GRIP1: variants seen among roughly 807,000 people sequenced by gnomAD.
GRIP1 encodes glutamate receptor-interacting protein 1.
Under a neutral mutation model 129.9 loss-of-function variants are expected in GRIP1, and 45 were observed. The ratio of observed to expected loss-of-function variants is 0.35; its 90% CI spans 0.27 to 0.44. The LOEUF is 0.44. Ranked by LOEUF, GRIP1 falls within the 20% of genes least tolerant of loss-of-function variation. The pLI is 1.00. For synonymous variants in GRIP1, 530 were observed against 520.8 expected (o/e 1.02, Z -0.24); for missense variants, 1,196 against 1,396.8 (o/e 0.86, Z 2.29).
intron 22 of GRIP1, among the ~76,000 whole-genome samples, chr12:66,373,926 C>T (rs2055658208): frequency 6.6e-6 from 1 of 152,132 alleles, no homozygotes; most frequent in African/African-American, 2.4e-5. Context: ...GGGCATGGAG[C>T]TCTAGTACTC....
chr12:66,604,004 C>T (rs1364746766), intron 1 of GRIP1, among the ~76,000 whole-genome samples: 1 of 152,210 alleles, frequency 6.6e-6, no homozygotes, highest in Non-Finnish European at 1.5e-5. Context: ...TATATTCTGC[C>T]TCATGGCAGG....
chr12:66,659,035 T>C (rs1265033195), intron 1 of GRIP1, among the ~76,000 whole-genome samples: 2 of 152,228 alleles, frequency 1.3e-5, no homozygotes, highest in East Asian at 1.9e-4. Flanking sequence ...CTAGCAATAC[T>C]GTGCCCCGTG....
At chr12:66,682,793 CACA>C (rs1336548434), upstream of GRIP1, among the ~76,000 whole-genome samples, 2 of 152,094 alleles carry the variant, frequency 1.3e-5, no homozygotes, top group East Asian at 3.8e-4. Context: ...AGGTTAATCC[CACA>C]AATACTCAAC....
At chr12:66,947,236 C>A (rs1302337049) in intron 1 of GRIP1, among the ~76,000 whole-genome samples, 2 of 152,230 alleles carry the variant, frequency 1.3e-5, no homozygotes, top group African/African-American at 2.4e-5. Flanking sequence ...CCCCTTTCAG[C>A]CCACATATGG....
At chr12:66,380,551 A>G (rs58782949) in intron 19 of GRIP1, among the ~76,000 whole-genome samples, 2,383 of 152,368 alleles carry the variant, frequency 0.016, 65 homozygotes, top group African/African-American at 0.054. Context: ...ATTATGTTAC[A>G]TAATGGACAC....
chr12:66,741,268 A>C (rs779654812), intron 1 of GRIP1, among the ~76,000 whole-genome samples: 1 of 152,196 alleles, frequency 6.6e-6, no homozygotes, highest in Non-Finnish European at 1.5e-5. Context: ...CCTTTATTTC[A>C]AAGGGATTGT....
intron 1 of GRIP1, among the ~76,000 whole-genome samples, chr12:67,014,140 C>G (rs1193116931): frequency 6.6e-6 from 1 of 152,150 alleles, no homozygotes; most frequent in Admixed American, 6.6e-5. Flanking sequence ...CCCAGTCAGC[C>G]TCTAAACTTT....
rs561974566 is a variant in GRIP1, at chr12:66,473,974, G to A, written c.725-8552C>T. On this transcript the variant is annotated intron_variant, in intron 7 of 24. Coordinates refer to ENST00000359742, the MANE Select transcript of GRIP1 (RefSeq NM_001366722.1). ...CAGCAAGGGAACAAAACTGTACAGAGAATGAGTTTGATGAACTGACAGAAG... is the reference window on the plus strand; with the variant it reads ...CAGCAAGGGAACAAAACTGTACAGAAAATGAGTTTGATGAACTGACAGAAG... Among the ~76,000 whole-genome samples the A allele has an allele frequency of 5.3e-5, 8 of 152,230 alleles. No homozygotes were observed. In the South Asian group the frequency reaches 1.2e-3, roughly 24 times the overall value.
intron 1 of GRIP1, among the ~76,000 whole-genome samples, chr12:66,946,234 T>C (rs1163283090): frequency 6.6e-6 from 1 of 152,174 alleles, no homozygotes; most frequent in Non-Finnish European, 1.5e-5. Context: ...TGCAAGAAAA[T>C]TCTAAATTAT....
At chr12:66,475,143 G>A (rs1190081997) in intron 7 of GRIP1, among the ~76,000 whole-genome samples, 1 of 152,038 alleles carries the variant, frequency 6.6e-6, no homozygotes, top group African/African-American at 2.4e-5. Flanking sequence ...GATCTACCAA[G>A]CAAATGGAAA....
intron 1 of GRIP1, among the ~76,000 whole-genome samples, chr12:66,862,963 T>A (rs1426329568): frequency 6.6e-6 from 1 of 151,952 alleles, no homozygotes; most frequent in Non-Finnish European, 1.5e-5. Flanking sequence ...AATGTTGTAC[T>A]ATTATTGAAA....
At chr12:66,414,066 A>G (rs2057496350) in intron 15 of GRIP1, among the ~76,000 whole-genome samples, 1 of 152,164 alleles carries the variant, frequency 6.6e-6, no homozygotes, top group African/African-American at 2.4e-5. Flanking sequence ...CATCACTCCT[A>G]TTTAACATAG....
At chr12:66,578,265 T>C (rs2063218314) in intron 2 of GRIP1, among the ~76,000 whole-genome samples, 2 of 87,248 alleles carry the variant, frequency 2.3e-5, no homozygotes, top group African/African-American at 4.4e-5. Context: ...AATACAAAAT[T>C]GAGGGGAGGA....
rs188119580 is a variant in GRIP1, at chr12:67,059,691, T to G, written c.58+9359A>C. The stretch of plus-strand genomic sequence containing the variant: ...TTATGGGAAACAAATTATGTTTCAC[T>G]TGTATATCTTAAAAGTAGTGTGTAA... On this transcript the variant is annotated intron_variant, in intron 1 of 1. Transcript: ENST00000643019. 6.2e-3 allele frequency among the ~76,000 whole-genome samples: 941 copies of G among 152,338 alleles called. 10 individuals are homozygous for G. The highest frequency in any genetic ancestry group is 0.021 in the African/African-American group (853 of 41,576).
At chr12:66,703,237 T>C (rs2035411866) in intron 1 of GRIP1, among the ~76,000 whole-genome samples, 2 of 152,180 alleles carry the variant, frequency 1.3e-5, no homozygotes, top group African/African-American at 4.8e-5. Flanking sequence ...TGTATGTCTG[T>C]GTGTGCATGC....
At chr12:66,538,971 A>T in intron 4 of GRIP1, 107 bp downstream of exon 4, 1 of 915,244 alleles carries the variant, frequency 1.1e-6, no homozygotes, top group Non-Finnish European at 1.8e-6. Flanking sequence ...ATGTATGTAT[A>T]GAAAAAAACC....
At chr12:67,004,084 C>T (rs1205517228) in intron 1 of GRIP1, among the ~76,000 whole-genome samples, 1 of 152,184 alleles carries the variant, frequency 6.6e-6, no homozygotes, top group Non-Finnish European at 1.5e-5. Flanking sequence ...CATTTAGGGG[C>T]TTACCTGGTA....
At chr12:66,541,128 T>C (rs79374366) in intron 3 of GRIP1, among the ~76,000 whole-genome samples, 2,822 of 152,288 alleles carry the variant, frequency 0.019, 83 homozygotes, top group African/African-American at 0.065. Context: ...TCATTTTTAA[T>C]GAAACCTGAT....
chr12:67,040,063 T>C (rs941362915), intron 1 of GRIP1, among the ~76,000 whole-genome samples: 2 of 152,184 alleles, frequency 1.3e-5, no homozygotes, highest in African/African-American at 4.8e-5. Context: ...ACTTTTTAAC[T>C]GACAGCCTCT....
Sources: allele counts gnomAD v4.1 joint callset (sites outside exome capture counted in the v4.1 genomes callset), GRCh38; gene constraint gnomAD v4.1.1; transcripts MANE v1.5; gene names NCBI Gene and HGNC (gene_info 2026-07-23, HGNC 2026-07-21).